The following ANK2 variants were observed in gnomAD, a reference collection of about 807,000 sequenced individuals.
ANK2 encodes the protein ankyrin-2.
A neutral mutation model predicts 360.5 loss-of-function variants in ANK2; 83 were observed. The observed-to-expected ratio is 0.23, with a 90% CI of 0.19 to 0.28. The LOEUF (loss-of-function observed/expected upper bound fraction) is 0.28. Among genes scored for constraint, ANK2 ranks in the 10% least tolerant of loss-of-function variants. ANK2 has a pLI of 1.00. For synonymous variants in ANK2, 1,740 were observed against 1,759.5 expected, an observed-to-expected ratio of 0.99 and a Z score of 0.28; for missense variants, 4,201 against 4,795.7, an observed-to-expected ratio of 0.88 and a Z score of 3.66.
chr4:113,165,193 G>A (rs937096327), intron 1 of ANK2, among the ~76,000 whole-genome samples: 1 of 152,152 alleles, frequency 6.6e-6, no homozygotes, highest in Non-Finnish European at 1.5e-5. Flanking sequence ...AATTGGGAAA[G>A]AGATTGGGTC....
At chr4:112,970,779 A>G (rs1185571812) in intron 2 of ANK2, among the ~76,000 whole-genome samples, 2 of 152,206 alleles carry the variant, frequency 1.3e-5, no homozygotes, top group Non-Finnish European at 2.9e-5. Context: ...TAGAACTTGT[A>G]GAATATGATG....
intron 2 of ANK2, among the ~76,000 whole-genome samples, chr4:113,005,196 A>G (rs186749122): frequency 1.3e-5 from 2 of 152,284 alleles, no homozygotes; most frequent in African/African-American, 4.8e-5. Context: ...TCAAAAACCT[A>G]AAAATAGAAC....
chr4:113,225,407 A>G (rs1030291692), intron 4 of ANK2, among the ~76,000 whole-genome samples: 2 of 152,154 alleles, frequency 1.3e-5, no homozygotes, highest in Non-Finnish European at 2.9e-5. Flanking sequence ...CTGGTGCTAT[A>G]AAGACTGTTG....
intron 2 of ANK2, among the ~76,000 whole-genome samples, chr4:112,906,810 A>G (rs1290071902): frequency 6.6e-6 from 1 of 152,202 alleles, no homozygotes; most frequent in Non-Finnish European, 1.5e-5. Flanking sequence ...AGAGAGGTCA[A>G]TATTAGATTA....
At chr4:113,158,270 C>A (rs1214023168) in intron 1 of ANK2, among the ~76,000 whole-genome samples, 1 of 152,144 alleles carries the variant, frequency 6.6e-6, no homozygotes, top group Non-Finnish European at 1.5e-5. Context: ...GCTCAATGCA[C>A]CTTTTAGCAA....
chr4:113,145,720 G>A, intron 1 of ANK2: 1 of 1,143,830 alleles, frequency 8.7e-7, no homozygotes, highest in South Asian at 1.9e-5. Flanking sequence ...AGCAGATGGG[G>A]AGAACTGGTG....
intron 1 of ANK2, among the ~76,000 whole-genome samples, chr4:113,115,510 C>T (rs111786637): frequency 0.021 from 3,262 of 152,144 alleles, 110 homozygotes; most frequent in African/African-American, 0.074. Context: ...CTTTGACTTT[C>T]GAATCAGATT....
intron 1 of ANK2, among the ~76,000 whole-genome samples, chr4:113,126,339 C>T (rs1249934690): frequency 2.0e-5 from 3 of 152,184 alleles, no homozygotes; most frequent in Non-Finnish European, 4.4e-5. Flanking sequence ...TTCAATTGTA[C>T]AGCTTAGTGA....
chr4:112,718,779 A>T, the ANK2 span, among the ~76,000 whole-genome samples: 1 of 152,138 alleles, frequency 6.6e-6, no homozygotes, highest in Non-Finnish European at 1.5e-5. Context: ...CTGGGATTAC[A>T]GGCATGTGCC....
chr4:112,932,447 G>A (rs1391233619), intron 2 of ANK2, among the ~76,000 whole-genome samples: 4 of 146,802 alleles, frequency 2.7e-5, no homozygotes, highest in Non-Finnish European at 5.9e-5. Context: ...AGTTGAGATA[G>A]CGCCACTACA....
chr4:113,278,344 G>T (rs2153700181), intron 16 of ANK2, 116 bp from the exon 17 acceptor site: 1 of 843,528 alleles, frequency 1.2e-6, no homozygotes, highest in Non-Finnish European at 2.0e-6. Flanking sequence ...TTTTTCTATT[G>T]ACTATATTAA....
At chr4:112,714,441 C>T in the ANK2 span, among the ~76,000 whole-genome samples, 1 of 152,304 alleles carries the variant, frequency 6.6e-6, no homozygotes, top group Non-Finnish European at 1.5e-5. Flanking sequence ...CCTTGGTCTC[C>T]CAAAGTGCTG....
At position 113,199,049 on chromosome 4, in the gene ANK2, A is replaced by G. The variant is rs750623629; in HGVS notation, c.324A>G (p.Gly108=). 4 of 1,613,550 alleles carry G rather than the reference A, an allele frequency of 2.5e-6. No homozygotes were observed. The highest frequency in any genetic ancestry group is 1.7e-5 in the Admixed American group (1 of 60,012). The change falls in exon 4 of 46, where the codon GGA becomes GGG. Residue 108 remains glycine (G), a synonymous_variant. Transcript: ENST00000357077. Reference sequence around the variant, plus strand: ...CTCTTCACATTGCATCTTTGGCTGGACAAGCAGAAGTTGTCAAAGTTCTTG... The same window carrying G: ...CTCTTCACATTGCATCTTTGGCTGGGCAAGCAGAAGTTGTCAAAGTTCTTG... The part of the protein sequence containing the change: ...NTALHIASLA[G]QAEVVKVLVK...
chr4:112,792,167 G>A, the ANK2 span, among the ~76,000 whole-genome samples: 1 of 149,512 alleles, frequency 6.7e-6, no homozygotes, highest in South Asian at 2.1e-4. Context: ...TCAGCCTCCC[G>A]AGTAGCTGGG....
the ANK2 span, among the ~76,000 whole-genome samples, chr4:112,757,171 G>A: frequency 1.4e-5 from 2 of 143,324 alleles, no homozygotes; most frequent in Non-Finnish European, 3.0e-5. Flanking sequence ...GGAGTGCAAT[G>A]GCGCAATCTC....
the ANK2 span, among the ~76,000 whole-genome samples, chr4:112,769,612 G>A: frequency 6.6e-6 from 1 of 152,146 alleles, no homozygotes. Context: ...CATCACTCTT[G>A]TGATAGTTAA....
At chr4:113,031,252 A>G (rs2060339469) in intron 2 of ANK2, 1 of 152,086 alleles carries the variant, frequency 6.6e-6, no homozygotes, top group African/African-American at 2.4e-5. Context: ...ATTAAGATGC[A>G]TTAGAAAAAA....
chr4:113,037,950 G>A (rs1418615145), intron 2 of ANK2, among the ~76,000 whole-genome samples: 1 of 152,026 alleles, frequency 6.6e-6, no homozygotes, highest in Non-Finnish European at 1.5e-5. Context: ...TCTATTATGT[G>A]TTTAATCATT....
intron 4 of ANK2, among the ~76,000 whole-genome samples, chr4:113,228,709 C>A (rs1157547776): frequency 6.6e-6 from 1 of 151,968 alleles, no homozygotes; most frequent in Non-Finnish European, 1.5e-5. Context: ...ACCCAGTAGT[C>A]TCCCTTGATA....
Sources: gnomAD v4.1 joint callset for allele counts (sites outside exome capture counted in the v4.1 genomes callset) on GRCh38, gnomAD v4.1.1 for gene constraint, MANE v1.5 for transcripts, NCBI Gene and HGNC (gene_info 2026-07-23, HGNC 2026-07-21) for gene names.